ASPRV1: variants seen among roughly 807,000 people sequenced by gnomAD.
ASPRV1 encodes the protein aspartic peptidase retroviral like 1, also known as retroviral-like aspartic protease 1.
In ASPRV1, 7 loss-of-function variants were observed where a neutral mutation model predicts 11.0. That is an observed-to-expected ratio of 0.64 (90% CI 0.36 to 1.20). The LOEUF is 1.20. Among genes scored for constraint, ASPRV1 ranks in the 50% most tolerant of loss-of-function variants. The pLI, the probability that ASPRV1 is intolerant of heterozygous loss-of-function variation, is 0.02. For synonymous variants in ASPRV1, 136 were observed against 138.4 expected (o/e 0.98, Z 0.12); for missense variants, 299 against 320.0 (o/e 0.93, Z 0.50).
chr2:69,939,514 A>G, the ASPRV1 span: 1 of 152,672 alleles, frequency 6.5e-6, no homozygotes, highest in Non-Finnish European at 1.5e-5. Flanking sequence ...AAATCTATAA[A>G]TACTATTTAT....
the ASPRV1 span, among the ~76,000 whole-genome samples, chr2:70,026,282 T>G: frequency 1.5e-4 from 22 of 150,522 alleles, 1 homozygote; most frequent in South Asian, 8.4e-4. Context: ...CATCTCAAAA[T>G]AATAATATAT....
the ASPRV1 span, among the ~76,000 whole-genome samples, chr2:69,992,182 C>T: frequency 3.3e-5 from 5 of 152,004 alleles, no homozygotes; most frequent in African/African-American, 1.2e-4. Context: ...GGACTATTCT[C>T]AAGGGAAGTA....
At chr2:70,021,081 C>G in the ASPRV1 span, among the ~76,000 whole-genome samples, 6 of 152,116 alleles carry the variant, frequency 3.9e-5, no homozygotes, top group East Asian at 1.9e-4. Context: ...TGCTCCCTCC[C>G]CCAGTCCCTG....
chr2:69,967,244 T>C, the ASPRV1 span, among the ~76,000 whole-genome samples: 4 of 152,054 alleles, frequency 2.6e-5, no homozygotes, highest in Admixed American at 1.3e-4. Context: ...AGAGACAGAC[T>C]CCAACCTAGC....
chr2:69,946,511 C>T, the ASPRV1 span, among the ~76,000 whole-genome samples: 1 of 152,318 alleles, frequency 6.6e-6, no homozygotes, highest in South Asian at 2.1e-4. Context: ...AACAGCTTTT[C>T]CCCATGCCTG....
chr2:69,943,690 C>T, the ASPRV1 span, among the ~76,000 whole-genome samples: 5 of 152,178 alleles, frequency 3.3e-5, no homozygotes, highest in Admixed American at 6.5e-5. Flanking sequence ...TATCAGGCTC[C>T]GTCCTAGAGG....
the ASPRV1 span, among the ~76,000 whole-genome samples, chr2:69,969,829 CTCAGCTCCAGTTCCACCTTAGAGGGGA>C: frequency 6.6e-6 from 1 of 152,190 alleles, no homozygotes; most frequent in African/African-American, 2.4e-5. Flanking sequence ...ATCCTCCCAC[CTCAGCTCCAGTTCCACCTTAGAGGGGA>C]TCAGAGGTGC....
the ASPRV1 span, chr2:70,056,505 T>A: frequency 1.4e-5 from 2 of 141,310 alleles, no homozygotes; most frequent in African/African-American, 5.4e-5. Context: ...CTCGGGAGGC[T>A]GAGGCAGGAG....
At chr2:70,032,798 G>A in the ASPRV1 span, among the ~76,000 whole-genome samples, 3 of 152,142 alleles carry the variant, frequency 2.0e-5, no homozygotes, top group Non-Finnish European at 4.4e-5. Flanking sequence ...GCAGCTCTCC[G>A]ACTTTTTTAA....
chr2:70,070,307 T>C, the ASPRV1 span: 3 of 151,944 alleles, frequency 2.0e-5, no homozygotes, highest in South Asian at 4.2e-4. Flanking sequence ...AAAAATCCCA[T>C]TGGACTTCTC....
chr2:69,992,034 A>G, the ASPRV1 span, among the ~76,000 whole-genome samples: 1 of 152,072 alleles, frequency 6.6e-6, no homozygotes, highest in African/African-American at 2.4e-5. Context: ...GAATGTGACC[A>G]CCTATGGGGA....
chr2:69,957,213 C>G (rs1319640769), downstream of ASPRV1, among the ~76,000 whole-genome samples: 2 of 151,912 alleles, frequency 1.3e-5, no homozygotes, highest in Non-Finnish European at 2.9e-5. Context: ...TTGTTTTCCC[C>G]TAGGAAATAT....
At chr2:69,937,536 C>T in the ASPRV1 span, 1 of 769,938 alleles carries the variant, frequency 1.3e-6, no homozygotes, top group South Asian at 2.0e-5. Flanking sequence ...GTGTGACCTC[C>T]AGTGACAGGT....
At chr2:70,007,412 T>C in the ASPRV1 span, among the ~76,000 whole-genome samples, 2 of 152,058 alleles carry the variant, frequency 1.3e-5, no homozygotes, top group African/African-American at 2.4e-5. Flanking sequence ...TTCCAGCTAC[T>C]TGGGAGGCTG....
the ASPRV1 span, among the ~76,000 whole-genome samples, chr2:70,077,616 G>A: frequency 6.6e-6 from 1 of 152,182 alleles, no homozygotes; most frequent in Admixed American, 6.5e-5. Flanking sequence ...CACTTTGGGA[G>A]GCCGAGGTGG....
At chr2:70,017,439 T>C in the ASPRV1 span, among the ~76,000 whole-genome samples, 1 of 151,930 alleles carries the variant, frequency 6.6e-6, no homozygotes, top group East Asian at 1.9e-4. Flanking sequence ...TCATATTGAA[T>C]AGTGAAAATT....
At chr2:70,052,259 G>A in the ASPRV1 span, among the ~76,000 whole-genome samples, 2 of 152,114 alleles carry the variant, frequency 1.3e-5, no homozygotes, top group Non-Finnish European at 1.5e-5. Flanking sequence ...TAAAATAAAT[G>A]GATTAAATAT....
At chr2:69,999,472 G>A in the ASPRV1 span, among the ~76,000 whole-genome samples, 1 of 151,894 alleles carries the variant, frequency 6.6e-6, no homozygotes, top group African/African-American at 2.4e-5. Flanking sequence ...TGGCCAACAT[G>A]GTGAAACCTA....
At chr2:70,002,547 T>G in the ASPRV1 span, among the ~76,000 whole-genome samples, 1 of 152,238 alleles carries the variant, frequency 6.6e-6, no homozygotes, top group Non-Finnish European at 1.5e-5. Context: ...AATCTAGTTC[T>G]ATGAAGATGC....
Sources: gnomAD v4.1 joint callset for allele counts (sites outside exome capture counted in the v4.1 genomes callset) on GRCh38, gnomAD v4.1.1 for gene constraint, MANE v1.5 for transcripts, NCBI Gene and HGNC (gene_info 2026-07-23, HGNC 2026-07-21) for gene names.